Variants in ASH1L observed in about 807,000 individuals in gnomAD.
ASH1L encodes ASH1 like histone lysine methyltransferase.
ASH1L carries 23 observed loss-of-function variants against 269.0 expected under a neutral mutation model. The observed-to-expected ratio is 0.09, with a 90% confidence interval of 0.06 to 0.12. The LOEUF (loss-of-function observed/expected upper bound fraction) is 0.12, where lower values mean the gene tolerates loss of function less well. Ranked by LOEUF, ASH1L falls within the 10% of genes least tolerant of loss-of-function variation. The pLI, the probability that ASH1L is intolerant of heterozygous loss-of-function variation, is 1.00. For synonymous variants in ASH1L, 1,187 were observed against 1,253.5 expected, an observed-to-expected ratio of 0.95 and a Z score of 1.12; for missense variants, 2,912 against 3,567.8, an observed-to-expected ratio of 0.82 and a Z score of 4.68.
At chr1:155,406,909 T>C (rs1314504589) in intron 6 of ASH1L, among the ~76,000 whole-genome samples, 2 of 151,988 alleles carry the variant, frequency 1.3e-5, no homozygotes, top group Non-Finnish European at 2.9e-5. Flanking sequence ...TTTCCCCTGA[T>C]AGAAAATGGG....
At chr1:155,392,544 A>G (rs1658017431) in intron 7 of ASH1L, among the ~76,000 whole-genome samples, 2 of 152,138 alleles carry the variant, frequency 1.3e-5, no homozygotes, top group Non-Finnish European at 2.9e-5. Context: ...GCTGGAGTAT[A>G]GTAGCATGAT....
intron 6 of ASH1L, among the ~76,000 whole-genome samples, chr1:155,398,304 G>C (rs1658534411): frequency 6.6e-6 from 1 of 152,168 alleles, no homozygotes; most frequent in South Asian, 2.1e-4. Flanking sequence ...ATTTGATAGT[G>C]ATACATTCTG....
intron 4 of ASH1L, among the ~76,000 whole-genome samples, chr1:155,456,888 GCCAAAAGGATTATACTTTCTAGTC>G (rs1663902184): frequency 6.6e-6 from 1 of 152,042 alleles, no homozygotes; most frequent in Non-Finnish European, 1.5e-5. Context: ...ACCCCCCACC[GCCAAAAGGATTATACTTTCTAGTC>G]CCATTGACAC....
intron 1 of ASH1L, among the ~76,000 whole-genome samples, chr1:155,528,761 G>A (rs1669445364): frequency 6.6e-6 from 1 of 152,010 alleles, no homozygotes; most frequent in African/African-American, 2.4e-5. Flanking sequence ...TTTGTTACGT[G>A]GGTAAACTTG....
At chr1:155,505,469 G>C (rs896608503) in intron 2 of ASH1L, among the ~76,000 whole-genome samples, 2 of 152,114 alleles carry the variant, frequency 1.3e-5, no homozygotes, top group Non-Finnish European at 2.9e-5. Context: ...CTCTGCACTA[G>C]AGACTATGGG....
In ASH1L at chr1:155,562,548, T is replaced by G; in HGVS notation, c.-495A>C. 6.5e-7 allele frequency: 1 copy of G among 1,528,304 alleles called. No individual in the cohort carries two copies. Among genetic ancestry groups the G allele is most frequent in the Non-Finnish European group, 8.8e-7 (1 of 1,138,748 alleles). The allele number at this position is 1,528,304 out of a possible 1,614,324, so 94.7% of individuals were successfully genotyped here. A position where few individuals can be genotyped will look rare whatever the true frequency, so the allele number is the denominator to read the frequency against. On this transcript the variant is annotated 5_prime_UTR_variant, in exon 1 of 28. Coordinates refer to ENST00000392403, the MANE Select transcript of ASH1L (RefSeq NM_018489.3). Reference sequence around the variant, plus strand: ...CTTCCACTCCTTCCTCCTTGCGTTCTTTCCCACCGTCCCCCGCTCCGCCCG... The same window carrying G: ...CTTCCACTCCTTCCTCCTTGCGTTCGTTCCCACCGTCCCCCGCTCCGCCCG...
chr1:155,506,719 T>A (rs1392854229), intron 2 of ASH1L, among the ~76,000 whole-genome samples: 2 of 152,006 alleles, frequency 1.3e-5, no homozygotes, highest in African/African-American at 4.8e-5. Flanking sequence ...AAAAGAAACA[T>A]TAATCTACCA....
chr1:155,341,740 A>G (rs73006948), intron 25 of ASH1L, among the ~76,000 whole-genome samples, 196 bp downstream of exon 25: 268 of 152,252 alleles, frequency 1.8e-3, no homozygotes, highest in African/African-American at 6.3e-3. Context: ...TATATCAACA[A>G]TTTTCTGAGA....
chr1:155,338,792 AT>A (rs1302265369), intron 26 of ASH1L, among the ~76,000 whole-genome samples: 1 of 152,160 alleles, frequency 6.6e-6, no homozygotes, highest in Non-Finnish European at 1.5e-5. Flanking sequence ...CCTTTTTCAT[AT>A]CAATAGTCTA....
intron 5 of ASH1L, among the ~76,000 whole-genome samples, chr1:155,437,372 C>T (rs897922345): frequency 6.6e-6 from 1 of 151,960 alleles, no homozygotes; most frequent in Non-Finnish European, 1.5e-5. Context: ...CATTAGGGAA[C>T]AGCAAATTAA....
At chr1:155,557,319 G>C (rs1671665051) in intron 1 of ASH1L, among the ~76,000 whole-genome samples, 1 of 151,848 alleles carries the variant, frequency 6.6e-6, no homozygotes. Flanking sequence ...CTGGAGTGCA[G>C]TGGCGCAGTC....
rs1335054971 is a variant in ASH1L at position 155,562,671 on chromosome 1, G to C, written c.-618C>G. ...ACCAACCACCACCTTCGGCCGCCCC[G>C]CGCGCCAGCCAGCCCGTACGCGCTC... is the stretch of plus-strand genomic sequence containing the variant. On this transcript the variant is annotated 5_prime_UTR_variant, in exon 1 of 28. Coordinates refer to ENST00000392403, the MANE Select transcript of ASH1L (RefSeq NM_018489.3). 1 of 1,522,690 alleles carries C rather than the reference G, an allele frequency of 6.6e-7. No homozygotes were observed. The highest frequency in any genetic ancestry group is 1.4e-5 in the African/African-American group (1 of 72,558). 94.3% of individuals were successfully genotyped at this position (1,522,690 alleles called of 1,614,324 possible). A position where few individuals can be genotyped will look rare whatever the true frequency, so the allele number is the denominator to read the frequency against.
At chr1:155,547,768 T>G (rs180911038) in intron 1 of ASH1L, among the ~76,000 whole-genome samples, 1 of 149,746 alleles carries the variant, frequency 6.7e-6, no homozygotes, top group African/African-American at 2.5e-5. Flanking sequence ...GTCAGGAGAT[T>G]GAGACCATCC....
chr1:155,366,157 C>T (rs1166884692), intron 12 of ASH1L, among the ~76,000 whole-genome samples: 1 of 152,106 alleles, frequency 6.6e-6, no homozygotes, highest in African/African-American at 2.4e-5. Context: ...AAACAGGCTG[C>T]AGTAAAGACG....
intron 1 of ASH1L, among the ~76,000 whole-genome samples, chr1:155,534,716 T>C (rs541014307): frequency 1.3e-5 from 2 of 152,252 alleles, no homozygotes; most frequent in Non-Finnish European, 1.5e-5. Flanking sequence ...AATATATGTA[T>C]ATGCTATATA....
rs538925913 is a variant in ASH1L, at chr1:155,342,669, G to A, written c.8294-567C>T. Among the ~76,000 whole-genome samples the A allele has an allele frequency of 7.2e-5, 11 of 152,230 alleles. No individual in the cohort carries two copies. The South Asian group carries it at 2.3e-3, about 32-fold the overall frequency. ...ATAAACTAGGCTGAGTGCTTTTGTAGATTATTTTATATAATCTTTTAAGAA... is the reference window on the plus strand; with the variant it reads ...ATAAACTAGGCTGAGTGCTTTTGTAAATTATTTTATATAATCTTTTAAGAA... On this transcript the variant is annotated intron_variant, in intron 24 of 27. Transcript: ENST00000392403.
chr1:155,446,921 T>C (rs1016066148), intron 4 of ASH1L, among the ~76,000 whole-genome samples: 9 of 152,224 alleles, frequency 5.9e-5, no homozygotes, highest in Non-Finnish European at 1.0e-4. Flanking sequence ...CAGTTTCTAA[T>C]TGTTCACTGT....
intron 3 of ASH1L, among the ~76,000 whole-genome samples, chr1:155,470,075 A>G (rs555487338): frequency 6.6e-6 from 1 of 152,166 alleles, no homozygotes; most frequent in Non-Finnish European, 1.5e-5. Context: ...CTTCGCTGCT[A>G]AATTCAAAAC....
intron 12 of ASH1L, among the ~76,000 whole-genome samples, chr1:155,363,745 G>C (rs1254645900): frequency 3.4e-5 from 5 of 149,238 alleles, no homozygotes; most frequent in Non-Finnish European, 7.4e-5. Context: ...GGCCTAGGTG[G>C]GCAGATCACT....
Sources: allele counts gnomAD v4.1 joint callset (sites outside exome capture counted in the v4.1 genomes callset), GRCh38; gene constraint gnomAD v4.1.1; transcripts MANE v1.5; gene names NCBI Gene and HGNC (gene_info 2026-07-23, HGNC 2026-07-21).